The following DST variants were observed in gnomAD, a reference collection of about 807,000 sequenced individuals.
DST encodes bullous pemphigoid antigen.
DST carries 253 observed loss-of-function variants against 875.2 expected under a neutral mutation model. That is an observed-to-expected ratio of 0.29 (90% CI 0.26 to 0.32). The LOEUF (loss-of-function observed/expected upper bound fraction) is 0.32. Ranked by LOEUF, DST falls within the 10% of genes least tolerant of loss-of-function variation. The pLI, the probability that DST is intolerant of heterozygous loss-of-function variation, is 1.00. For synonymous variants in DST, 3,124 were observed against 3,197.1 expected (o/e 0.98, Z 0.77); for missense variants, 8,287 against 9,111.6 (o/e 0.91, Z 3.68).
chr6:56,500,460 G>A (rs1465212821), intron 80 of DST, among the ~76,000 whole-genome samples: 1 of 152,054 alleles, frequency 6.6e-6, no homozygotes, highest in Non-Finnish European at 1.5e-5. Flanking sequence ...TAAATCAAGT[G>A]CAGGACATAT....
At position 56,608,068 on chromosome 6, in the gene DST, T is replaced by C; in HGVS notation, c.6560A>G (p.Glu2187Gly). The C allele has an allele frequency of 6.2e-7, 1 of 1,613,586 alleles. No homozygotes were observed. The highest frequency in any genetic ancestry group is 8.5e-7 in the Non-Finnish European group (1 of 1,179,720). The change falls in exon 40 of 104, where the codon GAA becomes GGA. Residue 2187 changes from glutamate (E) to glycine (G), a missense_variant. Physicochemically the swap from Glu to Gly is moderately conservative, Grantham distance 98 (BLOSUM62 -2). This residue lies in a region of DST where 3,138 missense variants were observed against 3,116.6 expected (regional missense o/e 1.01). Transcript: ENST00000680361. Reference sequence around the variant, plus strand: ...TTCTGAGGTCTGAGTAGTGACAGGTTCTTCTCCATCAAAAACATCCTCTTC... The same window carrying C: ...TTCTGAGGTCTGAGTAGTGACAGGTCCTTCTCCATCAAAAACATCCTCTTC... ...RQEEDVFDGEEPVTTQTSEET... is the reference protein window; with the variant it reads ...RQEEDVFDGEGPVTTQTSEET...
At chr6:56,583,904 G>A (rs1360661643) in intron 49 of DST, among the ~76,000 whole-genome samples, 1 of 152,160 alleles carries the variant, frequency 6.6e-6, no homozygotes, top group African/African-American at 2.4e-5. Flanking sequence ...GATAGTTGTA[G>A]ATACGCGGTG....
chr6:56,844,862 ACTCCGTCTC>A (rs2099805387), intron 4 of DST, among the ~76,000 whole-genome samples: 3 of 132,504 alleles, frequency 2.3e-5, no homozygotes, highest in Non-Finnish European at 3.3e-5. Context: ...ACAGAGCAAG[ACTCCGTCTC>A]AAAAAAAAAA....
At chr6:56,942,343 G>T (rs1273630387) in intron 2 of DST, among the ~76,000 whole-genome samples, 1 of 151,996 alleles carries the variant, frequency 6.6e-6, no homozygotes, top group African/African-American at 2.4e-5. Context: ...TTAGATTTAG[G>T]TCTATTATTT....
At position 56,552,375 on chromosome 6, in the gene DST, A is replaced by T; in HGVS notation, c.16417T>A (p.Cys5473Ser). ...KRDLEALSKQ[C>S]NKLLDRAQAR... ...TGGGCTCGGTCCAGTAACTTGTTGCATTGTTTGCTTAAGGCCTCCAAGTCC... is the reference window on the plus strand; with the variant it reads ...TGGGCTCGGTCCAGTAACTTGTTGCTTTGTTTGCTTAAGGCCTCCAAGTCC... Residue 5473 changes from cysteine (C) to serine (S), a missense_variant, in exon 61 of 104, where the codon TGC (cysteine) becomes AGC (serine). Cys to Ser is a moderately radical substitution (Grantham distance 112). Around this residue, in one of 10 missense-constraint regions of DST, gnomAD observed 777 missense variants for 764.8 expected, o/e 1.02. Coordinates refer to ENST00000680361, the MANE Select transcript of DST (RefSeq NM_001374736.1). 6.2e-7 allele frequency: 1 copy of T among 1,613,896 alleles called. No individual in the cohort carries two copies. Among genetic ancestry groups the T allele is most frequent in the South Asian group, 1.1e-5 (1 of 91,066 alleles).
At chr6:56,917,648 A>G (rs1801864260) in intron 2 of DST, among the ~76,000 whole-genome samples, 1 of 152,214 alleles carries the variant, frequency 6.6e-6, no homozygotes, top group Non-Finnish European at 1.5e-5. Flanking sequence ...GAATCATATT[A>G]TTCCTGTTGA....
intron 91 of DST, 87 bp downstream of exon 91, chr6:56,477,258 A>G (rs1582530618): frequency 2.8e-6 from 4 of 1,425,706 alleles, no homozygotes; most frequent in East Asian, 4.8e-5. Flanking sequence ...TCCCATGGCC[A>G]TAAGTGCATC....
intron 4 of DST, among the ~76,000 whole-genome samples, chr6:56,746,957 G>A (rs1183165944): frequency 6.6e-6 from 1 of 152,136 alleles, no homozygotes; most frequent in Admixed American, 6.5e-5. Flanking sequence ...AAGGGGAGAA[G>A]ACAGGGGAGG....
chr6:56,796,807 G>A (rs2153014328), intron 4 of DST, among the ~76,000 whole-genome samples: 1 of 152,074 alleles, frequency 6.6e-6, no homozygotes, highest in Non-Finnish European at 1.5e-5. Flanking sequence ...AGGAAGGAAG[G>A]AGAGAGAAAG....
chr6:56,556,276 A>C (rs1296471150), intron 59 of DST, among the ~76,000 whole-genome samples: 1 of 152,206 alleles, frequency 6.6e-6, no homozygotes, highest in Non-Finnish European at 1.5e-5. Context: ...TTAACTCATG[A>C]TGCATTGAGT....
chr6:56,771,903 C>T (rs904368680), intron 4 of DST, among the ~76,000 whole-genome samples: 2 of 152,198 alleles, frequency 1.3e-5, no homozygotes, highest in Non-Finnish European at 2.9e-5. Flanking sequence ...CCCATTATAA[C>T]ATTGCATTGA....
intron 3 of DST, among the ~76,000 whole-genome samples, chr6:56,898,934 G>A (rs1177486526): frequency 1.3e-5 from 2 of 152,160 alleles, no homozygotes; most frequent in Non-Finnish European, 2.9e-5. Context: ...TGACTCGACT[G>A]TGATTTCCTA....
chr6:56,460,581 T>A, intron 102 of DST: 1 of 187,300 alleles, frequency 5.3e-6, no homozygotes, highest in South Asian at 1.4e-4. Flanking sequence ...TTTCAGACTG[T>A]CAGTGAATAT....
intron 4 of DST, among the ~76,000 whole-genome samples, chr6:56,830,437 C>G (rs1036725258): frequency 6.6e-6 from 1 of 152,158 alleles, no homozygotes; most frequent in Non-Finnish European, 1.5e-5. Flanking sequence ...ATTTTGTCTA[C>G]TTTTGTCCAC....
chr6:56,783,512 T>A (rs2099698668), intron 4 of DST, among the ~76,000 whole-genome samples: 1 of 152,204 alleles, frequency 6.6e-6, no homozygotes, highest in African/African-American at 2.4e-5. Context: ...CTTTGTTGGT[T>A]TAAAGTCTGT....
At chr6:56,942,621 G>T (rs1817190541) in intron 2 of DST, among the ~76,000 whole-genome samples, 3 of 151,030 alleles carry the variant, frequency 2.0e-5, no homozygotes, top group Admixed American at 2.0e-4. Flanking sequence ...TACACTAAAG[G>T]TGTCAAACAT....
At chr6:56,878,699 C>T (rs777891844) in intron 3 of DST, among the ~76,000 whole-genome samples, 15 of 152,138 alleles carry the variant, frequency 9.9e-5, no homozygotes, top group Non-Finnish European at 1.9e-4. Context: ...GCCCTTGTCC[C>T]CTAATCCCCT....
chr6:56,920,254 G>A (rs1267455832), intron 2 of DST, among the ~76,000 whole-genome samples: 16 of 152,106 alleles, frequency 1.1e-4, no homozygotes, highest in Non-Finnish European at 2.1e-4. Context: ...TGCCCACAGG[G>A]TTGAAGCTAG....
chr6:56,578,677 T>G, intron 50 of DST, 137 bp downstream of exon 50: 1 of 856,294 alleles, frequency 1.2e-6, no homozygotes, highest in Non-Finnish European at 1.7e-6. Context: ...TTTTCCCAGA[T>G]GCAGGAACAC....
Sources: allele counts gnomAD v4.1 joint callset (sites outside exome capture counted in the v4.1 genomes callset), GRCh38; gene constraint gnomAD v4.1.1; regional missense constraint gnomAD v4.1.1; transcripts MANE v1.5; gene names NCBI Gene and HGNC (gene_info 2026-07-23, HGNC 2026-07-21).